CRAMP1: variants seen among roughly 807,000 people sequenced by gnomAD.
The protein encoded by CRAMP1 is cramped chromatin regulator 1, also known as protein cramped-like.
In CRAMP1, 50 loss-of-function variants were observed where a neutral mutation model predicts 115.4. The ratio of observed to expected loss-of-function variants is 0.43; its 90% CI spans 0.35 to 0.55. The LOEUF is 0.55. CRAMP1 is among the 20% of genes least tolerant of loss of function. CRAMP1 has a pLI of 0.01. For missense variants in CRAMP1, 1,679 were observed against 1,721.7 expected (o/e 0.98, Z 0.44); for synonymous variants, 866 against 745.4 (o/e 1.16, Z -2.64).
chr16:1,652,624 G>C lies in CRAMP1; in HGVS notation c.913+43G>C, dbSNP rs1269147030. On this transcript the variant is annotated intron_variant, in intron 7 of 20. Coordinates refer to ENST00000397412, the MANE Select transcript of CRAMP1 (RefSeq NM_020825.4). ...TCCCGGGACCAGAGGCGGTGCCCAT[G>C]GTGTCCCATTCAATGATGGGCAGGC... 4.0e-6 allele frequency: 6 copies of C among 1,507,464 alleles called. No homozygotes were observed. The Admixed American group carries it at 1.2e-4, about 30-fold the overall frequency. 93.4% of individuals were successfully genotyped at this position (1,507,464 alleles called of 1,614,324 possible). A position where few individuals can be genotyped will look rare whatever the true frequency, so the allele number is the denominator to read the frequency against.
intron 2 of CRAMP1, among the ~76,000 whole-genome samples, chr16:1,615,391 T>C (rs1332675270): frequency 6.6e-6 from 1 of 152,194 alleles, no homozygotes; most frequent in Non-Finnish European, 1.5e-5. Context: ...GGGAGCAGGC[T>C]TTTGAAACTC....
intron 2 of CRAMP1, among the ~76,000 whole-genome samples, chr16:1,616,678 T>G (rs1459151831): frequency 6.6e-6 from 1 of 152,228 alleles, no homozygotes; most frequent in East Asian, 1.9e-4. Flanking sequence ...TGGCACTTCT[T>G]TCTTTGCTTC....
rs112404892 is a variant in CRAMP1, at chr16:1,660,036, C to G, written c.2386C>G (p.Pro796Ala). The part of the protein sequence containing the change: ...QASLRSSKTF[P>A]PSSAPCSSGL... ...CTCCCTCCGCAGCAGCAAGACCTTC[C>G]CGCCCAGCTCTGCACCCTGCTCCTC... Residue 796 changes from proline to alanine, a missense_variant, in exon 11 of 21, where the codon CCG (proline) becomes GCG (alanine). Pro to Ala is a conservative substitution (Grantham distance 27). Coordinates refer to ENST00000397412, the MANE Select transcript of CRAMP1 (RefSeq NM_020825.4). The G allele has an allele frequency of 1.3e-6, 2 of 1,595,704 alleles. No homozygotes were observed. Among genetic ancestry groups the G allele is most frequent in the Non-Finnish European group, 1.7e-6 (2 of 1,177,582 alleles).
intron 5 of CRAMP1, 92 bp downstream of exon 5, chr16:1,637,999 T>A: frequency 1.7e-6 from 1 of 580,828 alleles, no homozygotes; most frequent in Non-Finnish European, 2.8e-6. Flanking sequence ...AGTTTCCCTC[T>A]AACTTTTATC....
intron 9 of CRAMP1, 22 bp from the exon 10 acceptor site, chr16:1,655,855 G>A (rs771207775): frequency 1.3e-5 from 21 of 1,590,924 alleles, no homozygotes; most frequent in South Asian, 3.4e-5. Flanking sequence ...GCCAGTGTGG[G>A]CCTTCCTTGA....
At chr16:1,625,786 A>G (rs2036503102) in intron 2 of CRAMP1, 187 bp from the exon 3 acceptor site, 1 of 544,034 alleles carries the variant, frequency 1.8e-6, no homozygotes, top group Non-Finnish European at 3.2e-6. Context: ...TGGCCAGGTA[A>G]AGATCCTGGC....
At chr16:1,660,821 A>G (rs2036822526) in intron 11 of CRAMP1, among the ~76,000 whole-genome samples, 1 of 152,102 alleles carries the variant, frequency 6.6e-6, no homozygotes. Context: ...AGCCTGGCCA[A>G]CATGGCGAAA....
At position 1,653,150 on chromosome 16, in the gene CRAMP1, G is replaced by A; in HGVS notation, c.1031G>A (p.Arg344His). ...GTGCAGAGCCTTGCCCAGAACCCACGCCTCAGGTAACATGGCCCTTGGCAC... is the reference window on the plus strand; with the variant it reads ...GTGCAGAGCCTTGCCCAGAACCCACACCTCAGGTAACATGGCCCTTGGCAC... ...ARVQSLAQNPRLRMIVELHRK... is the reference protein window; with the variant it reads ...ARVQSLAQNPHLRMIVELHRK... Residue 344 changes from arginine to histidine, a missense_variant, in exon 8 of 21, where the codon CGC becomes CAC. Coordinates refer to ENST00000397412, the MANE Select transcript of CRAMP1 (RefSeq NM_020825.4). 1.2e-6 allele frequency: 2 copies of A among 1,608,626 alleles called. No individual in the cohort carries two copies. The highest frequency in any genetic ancestry group is 1.7e-6 in the Non-Finnish European group (2 of 1,177,546).
chr16:1,659,536 C>T (rs1418626887), intron 10 of CRAMP1, among the ~76,000 whole-genome samples: 9 of 152,022 alleles, frequency 5.9e-5, no homozygotes, highest in Non-Finnish European at 1.5e-5. Context: ...TACGGGCGCC[C>T]ACCACCACAC....
intron 2 of CRAMP1, chr16:1,620,503 C>T: frequency 2.5e-6 from 1 of 406,086 alleles, no homozygotes; most frequent in South Asian, 1.7e-5. Context: ...TGTTCTGTCA[C>T]TCTTGATTTT....
chr16:1,635,360 C>T (rs932078970), intron 4 of CRAMP1, among the ~76,000 whole-genome samples: 5 of 152,346 alleles, frequency 3.3e-5, no homozygotes, highest in East Asian at 1.9e-4. Context: ...ACTAATCTCC[C>T]GTGGTTTCCA....
rs750534881 is a variant in CRAMP1, at chr16:1,656,275, G to A, written c.1518G>A (p.Pro506=). 2.1e-5 allele frequency: 34 copies of A among 1,611,648 alleles called. No individual in the cohort carries two copies. In the South Asian group the frequency reaches 2.7e-4, roughly 13 times the overall value. Residue 506 remains proline, a synonymous_variant, in exon 10 of 21, where the codon CCG becomes CCA. Coordinates refer to ENST00000397412, the MANE Select transcript of CRAMP1 (RefSeq NM_020825.4). The surrounding 1 kb of genome is among the most constrained non-coding windows in gnomAD (Gnocchi z 5.6). The part of the protein sequence containing the change: ...GEGAALSLSS[P]DAPDRPPPRH... The stretch of plus-strand genomic sequence containing the variant: ...GGGCTGCCCTAAGCTTGAGCAGCCC[G>A]GACGCTCCTGACAGGCCTCCTCCCA...
At chr16:1,621,246 G>A (rs1170804210) in intron 2 of CRAMP1, among the ~76,000 whole-genome samples, 4 of 152,216 alleles carry the variant, frequency 2.6e-5, no homozygotes, top group South Asian at 2.1e-4. Context: ...GGAAGAGGAC[G>A]TGTTGCAAAG....
At chr16:1,639,177 C>T (rs1463142973) in intron 5 of CRAMP1, among the ~76,000 whole-genome samples, 4 of 152,094 alleles carry the variant, frequency 2.6e-5, no homozygotes, top group Non-Finnish European at 5.9e-5. Context: ...TGCACCACTG[C>T]TTGTTCTGGT....
At chr16:1,662,166 C>T (rs1045578520) in intron 11 of CRAMP1, among the ~76,000 whole-genome samples, 1 of 152,180 alleles carries the variant, frequency 6.6e-6, no homozygotes, top group East Asian at 1.9e-4. Flanking sequence ...TCTGGTCTCC[C>T]CTGGAGACAC....
chr16:1,658,488 C>T, intron 10 of CRAMP1, among the ~76,000 whole-genome samples: 1 of 152,084 alleles, frequency 6.6e-6, no homozygotes, highest in Non-Finnish European at 1.5e-5. Flanking sequence ...GGTAGGAATC[C>T]CACATGGAAA....
At chr16:1,644,333 A>G (rs2036656548) in intron 6 of CRAMP1, among the ~76,000 whole-genome samples, 1 of 152,224 alleles carries the variant, frequency 6.6e-6, no homozygotes, top group Non-Finnish European at 1.5e-5. Flanking sequence ...CTGAGGCAGA[A>G]CGGCTGCTGA....
intron 4 of CRAMP1, among the ~76,000 whole-genome samples, chr16:1,633,610 T>G (rs1357021077): frequency 6.6e-6 from 1 of 152,248 alleles, no homozygotes; most frequent in African/African-American, 2.4e-5. Flanking sequence ...CACTTGTTTA[T>G]TTGAAATCTC....
intron 5 of CRAMP1, 148 bp downstream of exon 5, chr16:1,638,055 T>G (rs1596487146): frequency 6.5e-6 from 3 of 459,792 alleles, no homozygotes; most frequent in Non-Finnish European, 7.7e-6. Flanking sequence ...ATGGCGGCCG[T>G]GCTCTTTAGC....
Sources: gnomAD v4.1 joint callset for allele counts (sites outside exome capture counted in the v4.1 genomes callset) on GRCh38, gnomAD v4.1.1 for gene constraint, Gnocchi (gnomAD v3.1) non-coding constraint, MANE v1.5 for transcripts, NCBI Gene and HGNC (gene_info 2026-07-23, HGNC 2026-07-21) for gene names.